The following UPB1 variants were observed in gnomAD, a reference collection of about 807,000 sequenced individuals.
UPB1 encodes the protein beta-ureidopropionase 1, also known as beta-ureidopropionase.
UPB1 carries 40 observed loss-of-function variants against 49.1 expected under a neutral mutation model. The ratio of observed to expected loss-of-function variants is 0.81; its 90% CI spans 0.63 to 1.06. UPB1 has a LOEUF of 1.06. Ranked by LOEUF, UPB1 falls within the 50% of genes least tolerant of loss-of-function variation. UPB1 has a pLI of 0.00. For synonymous variants in UPB1, 207 were observed against 198.2 expected (o/e 1.04, Z -0.38); for missense variants, 499 against 505.9 (o/e 0.99, Z 0.13).
At chr22:24,509,788 A>G (rs1337031234) in intron 3 of UPB1, among the ~76,000 whole-genome samples, 1 of 152,228 alleles carries the variant, frequency 6.6e-6, no homozygotes, top group African/African-American at 2.4e-5. Context: ...CTGTGGCATT[A>G]AATACATTCA....
chr22:24,507,878 G>A (rs1036073550), intron 3 of UPB1, among the ~76,000 whole-genome samples: 1 of 151,902 alleles, frequency 6.6e-6, no homozygotes, highest in Admixed American at 6.6e-5. Context: ...GATTTTTTGC[G>A]GGCTACTTGA....
rs184257763 is a variant in UPB1 at position 24,500,101 on chromosome 22, A to G, written c.105-6A>G. 74 of 1,614,024 alleles carry G rather than the reference A, an allele frequency of 4.6e-5. No individual in the cohort carries two copies. The African/African-American group carries it at 9.1e-4, about 20-fold the overall frequency. On this transcript the variant is annotated splice_polypyrimidine_tract_variant and splice_region_variant and intron_variant, in intron 1 of 9. Coordinates refer to ENST00000326010, the MANE Select transcript of UPB1 (RefSeq NM_016327.3). ...TCCCCTTCCCTCTTTTTTCCTGCCC[A>G]TCTAGGAAGCTTGATCTGCCCAGGG...
At chr22:24,498,567 A>G (rs1314210666) in intron 1 of UPB1, among the ~76,000 whole-genome samples, 2 of 152,028 alleles carry the variant, frequency 1.3e-5, no homozygotes, top group Non-Finnish European at 2.9e-5. Context: ...CTTGGCTTAG[A>G]ATGAGCTCGC....
At chr22:24,519,042 A>G (rs565824138) in intron 6 of UPB1, among the ~76,000 whole-genome samples, 1 of 152,262 alleles carries the variant, frequency 6.6e-6, no homozygotes, top group African/African-American at 2.4e-5. Context: ...CTCCCTGGAG[A>G]ATTGCAACTA....
In UPB1 at chr22:24,521,933, G is replaced by A. The variant is rs540285360; in HGVS notation, c.874-53G>A. The A allele has an allele frequency of 1.7e-5, 27 of 1,589,804 alleles. No homozygotes were observed. The East Asian group carries it at 2.0e-4, about 12-fold the overall frequency. ...CATCTGGCTGAGTGAGCTGGAATGA[G>A]TGTAGTGGTAGTGCCACCTATAGGT... On this transcript the variant is annotated intron_variant, in intron 7 of 9. Transcript: ENST00000326010.
intron 4 of UPB1, among the ~76,000 whole-genome samples, chr22:24,512,853 G>A (rs182504187): frequency 9.4e-4 from 143 of 152,306 alleles, no homozygotes; most frequent in Admixed American, 3.0e-3. Context: ...CATGTGTAGC[G>A]TAGAACCGTG....
intron 7 of UPB1, among the ~76,000 whole-genome samples, chr22:24,521,239 T>G (rs1369635546): frequency 6.7e-6 from 1 of 149,946 alleles, no homozygotes; most frequent in Non-Finnish European, 1.5e-5. Flanking sequence ...CCCAGCACTT[T>G]GGGAGACCGA....
chr22:24,519,642 C>G (rs988100440), intron 6 of UPB1, among the ~76,000 whole-genome samples: 1 of 152,220 alleles, frequency 6.6e-6, no homozygotes, highest in African/African-American at 2.4e-5. Flanking sequence ...CTTAGAGACT[C>G]AAGGTTCAGA....
intron 1 of UPB1, among the ~76,000 whole-genome samples, chr22:24,499,164 G>A (rs2043943765): frequency 1.3e-5 from 2 of 152,230 alleles, no homozygotes; most frequent in Admixed American, 1.3e-4. Context: ...CTGGCAGGGG[G>A]CGGCGACAGG....
chr22:24,513,570 A>G, intron 5 of UPB1, 85 bp downstream of exon 5: 3 of 1,534,564 alleles, frequency 2.0e-6, no homozygotes, highest in African/African-American at 1.4e-5. Context: ...TCTGTGGGGA[A>G]GTTCTGTGCA....
chr22:24,495,612 GGTGAGAA>G (rs2043855909), intron 1 of UPB1, 105 bp downstream of exon 1: 1 of 1,271,332 alleles, frequency 7.9e-7, no homozygotes, highest in Admixed American at 1.9e-5. Flanking sequence ...CAGGGGAGGC[GGTGAGAA>G]GTCCTGAGTT....
At chr22:24,525,599 C>T (rs1307639162) in intron 9 of UPB1, 112 bp from the exon 10 acceptor site, 3 of 1,273,920 alleles carry the variant, frequency 2.4e-6, no homozygotes, top group Non-Finnish European at 3.4e-6. Flanking sequence ...ACGAGCCTTC[C>T]TGATGCGTTC....
Position 24,495,490 on chromosome 22 carries a change from C to G in UPB1, c.87C>G (p.Leu29=). ...LPDLQEVKRV[L]YGKELRKLDL... is the part of the protein sequence containing the mutation. ...ACTTGCAGGAAGTGAAGCGCGTTCT[C>G]TATGGCAAGGAACTCAGGTCCGCAG... Residue 29 remains leucine (L), a synonymous_variant, in exon 1 of 10, where the codon CTC becomes CTG. Transcript: ENST00000326010. 2 of 1,614,082 alleles carry G rather than the reference C, an allele frequency of 1.2e-6. No homozygotes were observed. The highest frequency in any genetic ancestry group is 1.7e-6 in the Non-Finnish European group (2 of 1,180,024).
chr22:24,519,969 G>GT (rs1343839273), intron 6 of UPB1: 1 of 286,964 alleles, frequency 3.5e-6, no homozygotes, highest in African/African-American at 2.2e-5. Context: ...GGAAGTGGTG[G>GT]TTATGGAACT....
At chr22:24,499,248 T>A (rs1011578810) in intron 1 of UPB1, among the ~76,000 whole-genome samples, 4 of 152,160 alleles carry the variant, frequency 2.6e-5, no homozygotes, top group African/African-American at 9.7e-5. Context: ...GAGAGAAATA[T>A]TATTATTAGA....
intron 3 of UPB1, among the ~76,000 whole-genome samples, chr22:24,508,930 G>C (rs1044455263): frequency 2.4e-4 from 36 of 151,746 alleles, no homozygotes; most frequent in African/African-American, 7.7e-4. Flanking sequence ...TTGTGAGGTG[G>C]GAGATCTACA....
intron 1 of UPB1, 56 bp downstream of exon 1, chr22:24,495,563 G>A (rs1295148166): frequency 1.7e-5 from 27 of 1,592,876 alleles, no homozygotes; most frequent in Non-Finnish European, 1.7e-5. Context: ...GTGTGGGTCT[G>A]GGGGAGCAGG....
chr22:24,499,399 A>G (rs10427702), intron 1 of UPB1, among the ~76,000 whole-genome samples: 2,468 of 152,234 alleles, frequency 0.016, 67 homozygotes, highest in African/African-American at 0.055. Flanking sequence ...TGCAACAGGT[A>G]TCAGGAGGTA....
At position 24,520,382 on chromosome 22, in the gene UPB1, T is replaced by C. The variant is rs1455674267; in HGVS notation, c.792-5T>C. On this transcript the variant is annotated splice_polypyrimidine_tract_variant and splice_region_variant and intron_variant, in intron 6 of 9. Coordinates refer to ENST00000326010, the MANE Select transcript of UPB1 (RefSeq NM_016327.3). ...AACCTGGTTCCTCTTGGTCCTCTCTTACAGCGAGTCCCTGTGGCCCATCGA... is the reference window on the plus strand; with the variant it reads ...AACCTGGTTCCTCTTGGTCCTCTCTCACAGCGAGTCCCTGTGGCCCATCGA... The C allele has an allele frequency of 5.6e-6, 9 of 1,614,010 alleles. No individual in the cohort carries two copies. The Admixed American group carries it at 1.2e-4, about 21-fold the overall frequency.
Sources: gnomAD v4.1 joint callset for allele counts (sites outside exome capture counted in the v4.1 genomes callset) on GRCh38, gnomAD v4.1.1 for gene constraint, MANE v1.5 for transcripts, NCBI Gene and HGNC (gene_info 2026-07-23, HGNC 2026-07-21) for gene names.